The following ARHGAP15 variants were observed in gnomAD, a reference collection of about 807,000 sequenced individuals.
The protein encoded by ARHGAP15 is Rho GTPase activating protein 15.
ARHGAP15 carries 51 observed loss-of-function variants against 63.7 expected under a neutral mutation model. The ratio of observed to expected loss-of-function variants is 0.80; its 90% CI spans 0.64 to 1.01. The LOEUF is 1.01. Ranked by LOEUF, ARHGAP15 falls within the 50% of genes least tolerant of loss-of-function variation. The pLI, the probability that ARHGAP15 is intolerant of heterozygous loss-of-function variation, is 0.00. For synonymous variants in ARHGAP15, 191 were observed against 193.8 expected (o/e 0.99, Z 0.12); for missense variants, 560 against 564.6 (o/e 0.99, Z 0.08).
chr2:143,241,375 G>A (rs10496945), intron 5 of ARHGAP15, among the ~76,000 whole-genome samples: 24,118 of 152,130 alleles, frequency 0.16, 2,028 homozygotes, highest in Middle Eastern at 0.23. Flanking sequence ...TGACTATCTC[G>A]TAGAACTATA....
intron 2 of ARHGAP15, among the ~76,000 whole-genome samples, chr2:143,172,347 C>T (rs1574045717): frequency 1.3e-5 from 2 of 151,900 alleles, no homozygotes; most frequent in East Asian, 1.9e-4. Context: ...GCTTTGCAGT[C>T]GACTACAAGG....
intron 12 of ARHGAP15, among the ~76,000 whole-genome samples, chr2:143,658,013 C>T (rs1417735413): frequency 3.9e-5 from 6 of 152,172 alleles, no homozygotes; most frequent in African/African-American, 7.2e-5. Context: ...CACATCAGTT[C>T]CTTCAGTAAC....
intron 1 of ARHGAP15, among the ~76,000 whole-genome samples, chr2:143,135,555 A>G (rs933341648): frequency 1.3e-5 from 2 of 152,236 alleles, no homozygotes; most frequent in Non-Finnish European, 2.9e-5. Flanking sequence ...AGTGCCATAG[A>G]AATATTATAG....
At chr2:143,418,555 C>T (rs1325507353) in intron 6 of ARHGAP15, among the ~76,000 whole-genome samples, 2 of 152,030 alleles carry the variant, frequency 1.3e-5, no homozygotes, top group Non-Finnish European at 2.9e-5. Flanking sequence ...ATAGGATCTT[C>T]TGGAGGAAGA....
At chr2:143,689,003 A>G (rs1323409356) in intron 12 of ARHGAP15, among the ~76,000 whole-genome samples, 2 of 152,110 alleles carry the variant, frequency 1.3e-5, no homozygotes, top group African/African-American at 4.8e-5. Flanking sequence ...AGTTTTCTTA[A>G]TTTTGTGCTT....
chr2:143,359,245 T>C (rs1308441481), intron 6 of ARHGAP15, among the ~76,000 whole-genome samples: 3 of 152,162 alleles, frequency 2.0e-5, no homozygotes, highest in East Asian at 3.8e-4. Context: ...AGGCATACTT[T>C]CATTGAAGTT....
intron 6 of ARHGAP15, among the ~76,000 whole-genome samples, chr2:143,388,023 T>G (rs1157516148): frequency 6.6e-6 from 1 of 152,160 alleles, no homozygotes; most frequent in Non-Finnish European, 1.5e-5. Context: ...ATGCTTTCCC[T>G]TTTCTTTCTA....
At chr2:143,562,555 T>C (rs1416490684) in intron 11 of ARHGAP15, among the ~76,000 whole-genome samples, 1 of 152,244 alleles carries the variant, frequency 6.6e-6, no homozygotes, top group African/African-American at 2.4e-5. Flanking sequence ...TTTTGGTAAG[T>C]TGAATCATTG....
At chr2:143,165,923 C>A (rs1288030082) in intron 2 of ARHGAP15, among the ~76,000 whole-genome samples, 1 of 65,894 alleles carries the variant, frequency 1.5e-5, no homozygotes, top group Admixed American at 1.9e-4. Flanking sequence ...ATGCCTTTAA[C>A]GTCAAGAAAG....
At chr2:143,581,329 A>G (rs1696895320) in intron 11 of ARHGAP15, among the ~76,000 whole-genome samples, 1 of 152,106 alleles carries the variant, frequency 6.6e-6, no homozygotes, top group Admixed American at 6.6e-5. Flanking sequence ...GTACATGGCT[A>G]TGTGTCATTG....
At chr2:143,494,003 G>A (rs1692704367) in intron 9 of ARHGAP15, among the ~76,000 whole-genome samples, 1 of 152,022 alleles carries the variant, frequency 6.6e-6, no homozygotes, top group African/African-American at 2.4e-5. Context: ...AGAATCATTG[G>A]GGGGTTTTGG....
chr2:143,709,457 G>T (rs1455564451), intron 13 of ARHGAP15, among the ~76,000 whole-genome samples: 1 of 152,192 alleles, frequency 6.6e-6, no homozygotes, highest in African/African-American at 2.4e-5. Flanking sequence ...TAGGAGACTT[G>T]CACTTTGTAA....
chr2:143,534,339 C>G (rs939660236), intron 10 of ARHGAP15, among the ~76,000 whole-genome samples: 1 of 152,192 alleles, frequency 6.6e-6, no homozygotes, highest in Non-Finnish European at 1.5e-5. Context: ...AAACCTCTTT[C>G]CTTTATAAAT....
chr2:143,169,861 A>G (rs1690703623), intron 2 of ARHGAP15, among the ~76,000 whole-genome samples: 1 of 151,988 alleles, frequency 6.6e-6, no homozygotes, highest in Non-Finnish European at 1.5e-5. Flanking sequence ...AGGTTCAATA[A>G]TCTGACCAGT....
At chr2:143,448,552 A>T (rs1019384422) in intron 8 of ARHGAP15, among the ~76,000 whole-genome samples, 4 of 152,090 alleles carry the variant, frequency 2.6e-5, no homozygotes, top group African/African-American at 9.7e-5. Flanking sequence ...AAGAAGAAAG[A>T]TTCCAGAGAT....
chr2:143,612,437 A>G (rs1200233613), intron 11 of ARHGAP15, among the ~76,000 whole-genome samples: 1 of 152,242 alleles, frequency 6.6e-6, no homozygotes, highest in African/African-American at 2.4e-5. Flanking sequence ...CCTGTGTGTG[A>G]TGCTGATATA....
At chr2:143,493,815 G>A (rs1267263646) in intron 9 of ARHGAP15, among the ~76,000 whole-genome samples, 2 of 152,088 alleles carry the variant, frequency 1.3e-5, no homozygotes, top group Admixed American at 6.5e-5. Context: ...CAGTTTCCAT[G>A]AACCCATTTG....
intron 13 of ARHGAP15, among the ~76,000 whole-genome samples, chr2:143,741,900 CTGA>C (rs1452800553): frequency 2.0e-5 from 3 of 152,100 alleles, no homozygotes; most frequent in African/African-American, 7.2e-5. Flanking sequence ...TTTAATCCAC[CTGA>C]TGATCTTATT....
intron 10 of ARHGAP15, among the ~76,000 whole-genome samples, chr2:143,552,386 G>T: frequency 6.6e-6 from 1 of 152,014 alleles, no homozygotes; most frequent in Non-Finnish European, 1.5e-5. Context: ...TCCATATTTT[G>T]GCAGATAAGC....
Sources: allele counts gnomAD v4.1 joint callset (sites outside exome capture counted in the v4.1 genomes callset), GRCh38; gene constraint gnomAD v4.1.1; transcripts MANE v1.5; gene names NCBI Gene and HGNC (gene_info 2026-07-23, HGNC 2026-07-21).